Variants in GPC5 observed in about 807,000 individuals in gnomAD.
GPC5 encodes glypican-5.
In GPC5, 47 loss-of-function variants were observed where a neutral mutation model predicts 53.9. The observed-to-expected ratio is 0.87, with a 90% confidence interval of 0.69 to 1.11. GPC5 has a LOEUF of 1.11. Among genes scored for constraint, GPC5 ranks in the 50% most tolerant of loss-of-function variants. GPC5 has a pLI of 0.00. For synonymous variants in GPC5, 286 were observed against 263.3 expected (o/e 1.09, Z -0.84); for missense variants, 748 against 713.1 (o/e 1.05, Z -0.56).
At chr13:92,599,162 C>T (rs1038295480) in intron 7 of GPC5, among the ~76,000 whole-genome samples, 29 of 152,106 alleles carry the variant, frequency 1.9e-4, no homozygotes, top group African/African-American at 6.5e-4. Flanking sequence ...TTTGATACAA[C>T]AGACATACTT....
At chr13:91,637,423 A>G (rs1054340683) in intron 2 of GPC5, among the ~76,000 whole-genome samples, 5 of 152,206 alleles carry the variant, frequency 3.3e-5, no homozygotes, top group African/African-American at 1.2e-4. Context: ...GTTTTCCAGA[A>G]AAAGACATTC....
intron 6 of GPC5, among the ~76,000 whole-genome samples, chr13:91,992,836 G>T (rs1171308114): frequency 6.6e-6 from 1 of 152,090 alleles, no homozygotes; most frequent in Non-Finnish European, 1.5e-5. Context: ...TTGTTCAATG[G>T]TAACTACAGT....
intron 7 of GPC5, among the ~76,000 whole-genome samples, chr13:92,667,714 C>A (rs745637906): frequency 5.3e-5 from 8 of 152,108 alleles, no homozygotes; most frequent in Admixed American, 2.6e-4. Flanking sequence ...CAGGTATTTG[C>A]GGACACGCTT....
At chr13:92,122,740 CTTTTTTTTTTTTTTTT>C (rs3058805) in intron 6 of GPC5, among the ~76,000 whole-genome samples, 4 of 67,086 alleles carry the variant, frequency 6.0e-5, no homozygotes, top group African/African-American at 1.2e-4. Flanking sequence ...ATAGGTCAGT[CTTTTTTTTTTTTTTTT>C]TTTTTTTTTT....
At chr13:92,003,248 G>A (rs2138757436) in intron 6 of GPC5, among the ~76,000 whole-genome samples, 1 of 151,018 alleles carries the variant, frequency 6.6e-6, no homozygotes, top group African/African-American at 2.4e-5. Flanking sequence ...TTGAATCTGG[G>A]AAGCGGCAGT....
chr13:92,593,721 C>G (rs1883784699), intron 7 of GPC5, among the ~76,000 whole-genome samples: 1 of 152,054 alleles, frequency 6.6e-6, no homozygotes, highest in Non-Finnish European at 1.5e-5. Flanking sequence ...CAGATGAACA[C>G]CTGTATAGTG....
At chr13:92,461,649 T>C (rs1878484776) in intron 7 of GPC5, among the ~76,000 whole-genome samples, 1 of 152,102 alleles carries the variant, frequency 6.6e-6, no homozygotes, top group Admixed American at 6.6e-5. Context: ...GCCCTCATGG[T>C]GGGATTAATG....
intron 4 of GPC5, among the ~76,000 whole-genome samples, chr13:91,732,675 A>T (rs936588242): frequency 2.0e-5 from 3 of 152,066 alleles, no homozygotes; most frequent in African/African-American, 7.2e-5. Context: ...TTAAGTTTTA[A>T]TCTGTCTTGA....
At chr13:91,728,770 A>C (rs76178251) in intron 4 of GPC5, 105 bp downstream of exon 4, 19 of 449,540 alleles carry the variant, frequency 4.2e-5, no homozygotes, top group East Asian at 1.5e-4. Flanking sequence ...CAATATGGAC[A>C]AAAAAAAAAA....
chr13:92,460,714 G>A (rs1248537311), intron 7 of GPC5, among the ~76,000 whole-genome samples: 1 of 152,078 alleles, frequency 6.6e-6, no homozygotes, highest in Non-Finnish European at 1.5e-5. Context: ...CAGTCCTGAA[G>A]GCTGGCTAGT....
chr13:92,802,692 G>A (rs969544865), intron 7 of GPC5, among the ~76,000 whole-genome samples: 4 of 151,618 alleles, frequency 2.6e-5, no homozygotes, highest in African/African-American at 4.8e-5. Context: ...GCAAACTATC[G>A]CAAGGACAAA....
At chr13:92,838,616 C>T (rs2138830270) in intron 7 of GPC5, among the ~76,000 whole-genome samples, 1 of 151,970 alleles carries the variant, frequency 6.6e-6, no homozygotes, top group African/African-American at 2.4e-5. Flanking sequence ...GAACAGATGA[C>T]CAAAATCCAA....
At chr13:92,500,214 C>T (rs976841738) in intron 7 of GPC5, among the ~76,000 whole-genome samples, 1 of 152,046 alleles carries the variant, frequency 6.6e-6, no homozygotes, top group East Asian at 1.9e-4. Flanking sequence ...AGACCCTGAC[C>T]CAACAACAGA....
chr13:91,759,854 C>T (rs543768108), intron 5 of GPC5, among the ~76,000 whole-genome samples: 1 of 151,772 alleles, frequency 6.6e-6, no homozygotes, highest in South Asian at 2.1e-4. Flanking sequence ...AATAATTAAA[C>T]AAAATTAACT....
At chr13:92,277,900 A>G (rs1169151975) in intron 7 of GPC5, among the ~76,000 whole-genome samples, 1 of 151,934 alleles carries the variant, frequency 6.6e-6, no homozygotes, top group Non-Finnish European at 1.5e-5. Flanking sequence ...AGATACTAGA[A>G]AAATATAGTC....
chr13:91,542,600 G>C (rs939299470), intron 2 of GPC5, among the ~76,000 whole-genome samples: 1 of 152,230 alleles, frequency 6.6e-6, no homozygotes, highest in African/African-American at 2.4e-5. Context: ...TCTGAATGCA[G>C]TGTCCAGAGT....
At chr13:92,503,729 A>G (rs565758423) in intron 7 of GPC5, among the ~76,000 whole-genome samples, 110 of 152,060 alleles carry the variant, frequency 7.2e-4, no homozygotes, top group African/African-American at 2.6e-3. Context: ...ATAAGTCTGT[A>G]TCACAAAAAA....
chr13:91,884,292 A>G (rs1594639828), intron 5 of GPC5, among the ~76,000 whole-genome samples: 2 of 152,330 alleles, frequency 1.3e-5, no homozygotes, highest in Non-Finnish European at 2.9e-5. Flanking sequence ...ATAAAGAAAC[A>G]TGCATGCCTA....
intron 7 of GPC5, among the ~76,000 whole-genome samples, chr13:92,731,430 ATG>A (rs1392747238): frequency 1.3e-5 from 2 of 151,468 alleles, no homozygotes; most frequent in African/African-American, 4.8e-5. Context: ...AAATATATTC[ATG>A]AACATATAAG....
Sources: gnomAD v4.1 joint callset for allele counts (sites outside exome capture counted in the v4.1 genomes callset) on GRCh38, gnomAD v4.1.1 for gene constraint, MANE v1.5 for transcripts, NCBI Gene and HGNC (gene_info 2026-07-23, HGNC 2026-07-21) for gene names.